Variants in TOP2B observed in about 807,000 individuals in gnomAD.
The protein encoded by TOP2B is DNA topoisomerase II beta.
In TOP2B, 51 loss-of-function variants were observed where a neutral mutation model predicts 193.5. The ratio of observed to expected loss-of-function variants is 0.26; its 90% confidence interval spans 0.21 to 0.33. The LOEUF is 0.33. TOP2B is among the 10% of genes least tolerant of loss of function. The pLI, the probability that TOP2B is intolerant of heterozygous loss-of-function variation, is 1.00. For missense variants in TOP2B, 1,378 were observed against 1,909.3 expected, an observed-to-expected ratio of 0.72 and a Z score of 5.19; for synonymous variants, 634 against 635.7, an observed-to-expected ratio of 1.00 and a Z score of 0.04.
chr3:25,613,299 C>G (rs7617248), intron 27 of TOP2B, among the ~76,000 whole-genome samples: 2 of 151,884 alleles, frequency 1.3e-5, no homozygotes, highest in African/African-American at 4.8e-5. Context: ...TTGAAAGGCA[C>G]AAGGAAAAAA....
intron 28 of TOP2B, among the ~76,000 whole-genome samples, 185 bp downstream of exon 28, chr3:25,612,330 T>A (rs1366652945): frequency 6.6e-6 from 1 of 152,248 alleles, no homozygotes; most frequent in African/African-American, 2.4e-5. Flanking sequence ...CTTTACAATA[T>A]GTGATCCTTT....
In TOP2B at chr3:25,624,772, A is replaced by G. The variant is rs1286864755; in HGVS notation, c.2256T>C (p.Phe752=). ...GFKPGQRKVL[F]TCFKRNDKRE... ...GTTTATCATTCCTCTTGAAACAGGT[A>G]AATAAAACTTTCCGCTGGCCAGGTT... is the stretch of plus-strand genomic sequence containing the variant. The change falls in exon 19 of 36, where the codon TTT becomes TTC. Residue 752 remains phenylalanine, a synonymous_variant. Coordinates refer to ENST00000264331, the MANE Select transcript of TOP2B (RefSeq NM_001330700.2). 3 of 1,613,478 alleles carry G rather than the reference A, an allele frequency of 1.9e-6. No individual in the cohort carries two copies. The highest frequency in any genetic ancestry group is 1.7e-6 in the Non-Finnish European group (2 of 1,179,674).
Position 25,615,596 on chromosome 3 carries a change from A to T in TOP2B, c.3352-10T>A. Reference sequence around the variant, plus strand: ...CATCCTCTTCTGCTGCCTGTAAAAAATAACAAACTGTATATTAAAGTCTTG... The same window carrying T: ...CATCCTCTTCTGCTGCCTGTAAAAATTAACAAACTGTATATTAAAGTCTTG... On this transcript the variant is annotated splice_polypyrimidine_tract_variant and intron_variant, in intron 25 of 35. Transcript: ENST00000264331. 6.6e-7 allele frequency: 1 copy of T among 1,516,196 alleles called. No individual in the cohort carries two copies. Among genetic ancestry groups the T allele is most frequent in the East Asian group, 2.4e-5 (1 of 41,440 alleles). The allele number at this position is 1,516,196 out of a possible 1,614,324, so 93.9% of individuals were successfully genotyped here. A position where few individuals can be genotyped will look rare whatever the true frequency, so the allele number is the denominator to read the frequency against.
chr3:25,615,790 T>C, intron 25 of TOP2B: 1 of 389,928 alleles, frequency 2.6e-6, no homozygotes, highest in Non-Finnish European at 4.4e-6. Flanking sequence ...CAATAAGATC[T>C]TCAGAAGGAA....
rs1702309435 is a variant in TOP2B at position 25,609,263 on chromosome 3, T to A, written c.4013A>T (p.Asp1338Val). 4 of 1,604,510 alleles carry A rather than the reference T, an allele frequency of 2.5e-6. No homozygotes were observed. Among genetic ancestry groups the A allele is most frequent in the South Asian group, 1.1e-5 (1 of 89,528 alleles). Residue 1338 changes from aspartate to valine, a missense_variant, in exon 30 of 36, where the codon GAT (aspartate) becomes GTT (valine). Physicochemically the swap from Asp to Val is radical, Grantham distance 152. Transcript: ENST00000264331. ...KVKKRNPWSD[D>V]ESKSESDLEE... The stretch of plus-strand genomic sequence containing the variant: ...CAAATCACTTTCTGACTTGGATTCA[T>A]CATCTGACCAAGGATTCCGTTTCTT...
Position 25,664,303 on chromosome 3 carries a change from G to C in TOP2B, c.-6C>G. 5 of 1,530,752 alleles carry C rather than the reference G, an allele frequency of 3.3e-6. No individual in the cohort carries two copies. Among genetic ancestry groups the C allele is most frequent in the Non-Finnish European group, 4.4e-6 (5 of 1,144,112 alleles). 94.8% of individuals were successfully genotyped at this position (1,530,752 alleles called of 1,614,324 possible). ...CAGCCACCCGACTTGGCCATGGCGA[G>C]TGCCTCCAGCTCACAGGCCCTGAGG... is the stretch of plus-strand genomic sequence containing the variant. On this transcript the variant is annotated 5_prime_UTR_variant, in exon 1 of 36. Transcript: ENST00000264331.
chr3:25,614,213 T>G (rs1384248643), intron 27 of TOP2B, among the ~76,000 whole-genome samples: 4 of 152,194 alleles, frequency 2.6e-5, no homozygotes, highest in Non-Finnish European at 5.9e-5. Context: ...TGACGACTTT[T>G]CAATAGTGAG....
At chr3:25,664,190 G>T in intron 1 of TOP2B, 39 bp downstream of exon 1, 1 of 1,537,912 alleles carries the variant, frequency 6.5e-7, no homozygotes. Context: ...CGCGGGCCCG[G>T]AACAATGCAG....
rs570734884 is a variant in TOP2B, at chr3:25,643,851, T to C, written c.241-67A>G. The C allele has an allele frequency of 7.7e-6, 9 of 1,167,300 alleles. No individual in the cohort carries two copies. In the African/African-American group the frequency reaches 1.1e-4, roughly 14 times the overall value. The allele number at this position is 1,167,300 out of a possible 1,614,324, so 72.3% of individuals were successfully genotyped here. A position where few individuals can be genotyped will look rare whatever the true frequency, so the allele number is the denominator to read the frequency against. ...TTAATATCAATTTTTCATAGTATAA[T>C]CCACATCCTGTCATTTACACTATAT... On this transcript the variant is annotated intron_variant, in intron 2 of 35. Coordinates refer to ENST00000264331, the MANE Select transcript of TOP2B (RefSeq NM_001330700.2).
intron 27 of TOP2B, among the ~76,000 whole-genome samples, chr3:25,613,421 C>G (rs1345655928): frequency 1.3e-5 from 2 of 152,126 alleles, no homozygotes; most frequent in Non-Finnish European, 2.9e-5. Flanking sequence ...CTTCCACTTA[C>G]TAGTTATGTA....
At chr3:25,631,759 G>A (rs572604835) in intron 10 of TOP2B, among the ~76,000 whole-genome samples, 8 of 152,138 alleles carry the variant, frequency 5.3e-5, no homozygotes, top group Non-Finnish European at 1.2e-4. Flanking sequence ...AGCATAATTT[G>A]TACTCAGAAT....
intron 15 of TOP2B, among the ~76,000 whole-genome samples, chr3:25,628,069 T>A (rs372033743): frequency 7.6e-6 from 1 of 131,000 alleles, no homozygotes; most frequent in South Asian, 2.4e-4. Context: ...TAAAAACAAT[T>A]AAAAAAAAAC....
chr3:25,637,392 G>GCAA, intron 5 of TOP2B, 80 bp from the exon 6 acceptor site: 1 of 1,012,412 alleles, frequency 9.9e-7, no homozygotes, highest in Admixed American at 2.4e-5. Context: ...ATACGGCAAG[G>GCAA]CTGTTGCAAA....
chr3:25,626,443 T>TTCA, intron 18 of TOP2B, 117 bp downstream of exon 18: 1 of 556,912 alleles, frequency 1.8e-6, no homozygotes, highest in South Asian at 3.4e-5. Context: ...GAATAAGCTC[T>TTCA]TCATATACAA....
chr3:25,664,556 G>C lies in TOP2B; in HGVS notation c.-259C>G. ...TAGCGCGGCGGCTGAGGAGAAAGCA[G>C]GGAGCGACCGGCGGCGGCCGAGCGG... On this transcript the variant is annotated 5_prime_UTR_variant, in exon 1 of 36. Coordinates refer to ENST00000264331, the MANE Select transcript of TOP2B (RefSeq NM_001330700.2). 1.8e-6 allele frequency: 2 copies of C among 1,092,726 alleles called. No individual in the cohort carries two copies. Among genetic ancestry groups the C allele is most frequent in the Non-Finnish European group, 2.2e-6 (2 of 899,934 alleles). 67.7% of individuals were successfully genotyped at this position (1,092,726 alleles called of 1,614,324 possible). A position where few individuals can be genotyped will look rare whatever the true frequency, so the allele number is the denominator to read the frequency against.
chr3:25,664,722 C>T lies in TOP2B; in HGVS notation c.-425G>A, dbSNP rs909220829. On this transcript the variant is annotated 5_prime_UTR_variant, in exon 1 of 36. Coordinates refer to ENST00000264331, the MANE Select transcript of TOP2B (RefSeq NM_001330700.2). Reference sequence around the variant, plus strand: ...GAGGTGCCTTGTCCTTCTCACACTCCGCGAAGGCCAGCCACTCGAGTCGCC... The same window carrying T: ...GAGGTGCCTTGTCCTTCTCACACTCTGCGAAGGCCAGCCACTCGAGTCGCC... 1.0e-6 allele frequency: 1 copy of T among 985,258 alleles called. No individual in the cohort carries two copies. The highest frequency in any genetic ancestry group is 1.2e-6 in the Non-Finnish European group (1 of 829,858). 61.0% of individuals were successfully genotyped at this position (985,258 alleles called of 1,614,324 possible).
chr3:25,660,951 T>C (rs1360273400), intron 1 of TOP2B, among the ~76,000 whole-genome samples: 1 of 151,982 alleles, frequency 6.6e-6, no homozygotes, highest in African/African-American at 2.4e-5. Context: ...TAGGATTTGC[T>C]CTGCTTCAAA....
intron 1 of TOP2B, 71 bp from the exon 2 acceptor site, chr3:25,645,541 T>C (rs979393988): frequency 2.5e-6 from 3 of 1,182,502 alleles, no homozygotes; most frequent in Non-Finnish European, 3.4e-6. Flanking sequence ...ACACACGACA[T>C]GGGTTTTCTT....
chr3:25,636,148 T>A lies in TOP2B; in HGVS notation c.640A>T (p.Thr214Ser). ...GTCTTCATCATATTATTCATCCATG[T>A]CTTTAAAAGAAAAAAATTCAAATAT... ...CKEYKHSFKQ[T>S]WMNNMMKTSE... is the part of the protein sequence containing the mutation. The change falls in exon 7 of 36, where the codon ACA becomes TCA. Residue 214 changes from threonine to serine, a missense_variant and splice_region_variant. Physicochemically the swap from Thr to Ser is moderately conservative, Grantham distance 58. Coordinates refer to ENST00000264331, the MANE Select transcript of TOP2B (RefSeq NM_001330700.2). 1.9e-6 allele frequency: 3 copies of A among 1,554,748 alleles called. No individual in the cohort carries two copies. Among genetic ancestry groups the A allele is most frequent in the Non-Finnish European group, 1.7e-6 (2 of 1,147,730 alleles).
Sources: gnomAD v4.1 joint callset for allele counts (sites outside exome capture counted in the v4.1 genomes callset) on GRCh38, gnomAD v4.1.1 for gene constraint, MANE v1.5 for transcripts, NCBI Gene and HGNC (gene_info 2026-07-23, HGNC 2026-07-21) for gene names.